The following ZHX2 variants were observed in gnomAD, a reference collection of about 807,000 sequenced individuals.
ZHX2 encodes zinc fingers and homeoboxes 2.
ZHX2 carries 6 observed loss-of-function variants against 21.9 expected under a neutral mutation model. That is an observed-to-expected ratio of 0.27 (90% CI 0.15 to 0.54). The LOEUF (loss-of-function observed/expected upper bound fraction) is 0.54, where lower values mean the gene tolerates loss of function less well. Ranked by LOEUF, ZHX2 falls within the 20% of genes least tolerant of loss-of-function variation. The pLI, the probability that ZHX2 is intolerant of heterozygous loss-of-function variation, is 0.95. For missense variants in ZHX2, 908 were observed against 1,090.7 expected (o/e 0.83, Z 2.36); for synonymous variants, 434 against 437.1 (o/e 0.99, Z 0.09).
intron 2 of ZHX2, among the ~76,000 whole-genome samples, chr8:122,944,049 C>G (rs561929449): frequency 6.6e-6 from 1 of 152,222 alleles, no homozygotes; most frequent in Non-Finnish European, 1.5e-5. Flanking sequence ...GCTGTCTGCT[C>G]TGCCTGGGAA....
At chr8:122,955,897 T>C (rs1302040489) in intron 3 of ZHX2, among the ~76,000 whole-genome samples, 1 of 145,092 alleles carries the variant, frequency 6.9e-6, no homozygotes, top group African/African-American at 2.7e-5. Flanking sequence ...CAGGCTGGAA[T>C]GCAATGGCAC....
chr8:122,962,083 T>C (rs979328790), intron 3 of ZHX2, among the ~76,000 whole-genome samples: 3 of 152,174 alleles, frequency 2.0e-5, no homozygotes, highest in Non-Finnish European at 4.4e-5. Flanking sequence ...CCAGGCCTGC[T>C]CAGGCACTGT....
intron 2 of ZHX2, among the ~76,000 whole-genome samples, chr8:122,892,724 G>T (rs535684628): frequency 6.6e-6 from 1 of 151,770 alleles, no homozygotes. Flanking sequence ...TCGCACTGTC[G>T]CCTGGGCTGG....
At chr8:122,902,227 T>C (rs1028655762) in intron 2 of ZHX2, among the ~76,000 whole-genome samples, 12 of 152,214 alleles carry the variant, frequency 7.9e-5, no homozygotes, top group Non-Finnish European at 1.3e-4. Context: ...TGCTAGGTAC[T>C]GCAGAAGCTG....
At chr8:122,804,342 CA>C (rs1335127686) in intron 1 of ZHX2, among the ~76,000 whole-genome samples, 1 of 152,206 alleles carries the variant, frequency 6.6e-6, no homozygotes, top group Non-Finnish European at 1.5e-5. Context: ...CTCCTGGCCT[CA>C]AATGATCCAC....
chr8:122,968,576 T>C (rs1813641904), intron 3 of ZHX2, among the ~76,000 whole-genome samples: 1 of 152,136 alleles, frequency 6.6e-6, no homozygotes, highest in South Asian at 2.1e-4. Flanking sequence ...CGGTGGCTCA[T>C]GCCTGTAATC....
chr8:122,794,551 G>C (rs1179667727), intron 1 of ZHX2, among the ~76,000 whole-genome samples: 2 of 152,168 alleles, frequency 1.3e-5, no homozygotes, highest in Non-Finnish European at 2.9e-5. Flanking sequence ...AGACTAGAGA[G>C]CATATCTCCA....
intron 1 of ZHX2, among the ~76,000 whole-genome samples, chr8:122,856,504 A>G (rs777015224): frequency 1.3e-5 from 2 of 152,134 alleles, no homozygotes; most frequent in Non-Finnish European, 2.9e-5. Flanking sequence ...TCTGTTTTCC[A>G]GTTCACTCAT....
At chr8:122,889,161 T>C (rs887687927) in intron 2 of ZHX2, among the ~76,000 whole-genome samples, 2 of 152,242 alleles carry the variant, frequency 1.3e-5, no homozygotes, top group Non-Finnish European at 2.9e-5. Flanking sequence ...ATATCTCAGC[T>C]ATTGTGAATA....
chr8:122,956,273 G>T (rs907596946), intron 3 of ZHX2, among the ~76,000 whole-genome samples: 9 of 152,204 alleles, frequency 5.9e-5, no homozygotes, highest in African/African-American at 2.2e-4. Context: ...CCTACTGTAT[G>T]CCTGCTGCTA....
chr8:122,914,435 A>T (rs1459905261), intron 2 of ZHX2, among the ~76,000 whole-genome samples: 4 of 152,202 alleles, frequency 2.6e-5, no homozygotes, highest in Non-Finnish European at 4.4e-5. Flanking sequence ...ACAAAGCACA[A>T]GGGCCCTTTC....
At chr8:122,921,905 T>C (rs1195427907) in intron 2 of ZHX2, among the ~76,000 whole-genome samples, 1 of 152,198 alleles carries the variant, frequency 6.6e-6, no homozygotes, top group African/African-American at 2.4e-5. Context: ...TGTCACCTAG[T>C]TGAAGCTGCT....
At chr8:122,947,943 G>A (rs1418842094) in intron 2 of ZHX2, among the ~76,000 whole-genome samples, 1 of 152,190 alleles carries the variant, frequency 6.6e-6, no homozygotes, top group Non-Finnish European at 1.5e-5. Flanking sequence ...GGCGGAGGCT[G>A]GAGGTGGCGG....
At chr8:122,902,029 AAAAG>A (rs1820242585) in intron 2 of ZHX2, among the ~76,000 whole-genome samples, 1 of 152,202 alleles carries the variant, frequency 6.6e-6, no homozygotes, top group Non-Finnish European at 1.5e-5. Flanking sequence ...GTGAAAAAAA[AAAAG>A]AATGTTTTAT....
chr8:122,880,012 G>A (rs966565474), intron 2 of ZHX2, among the ~76,000 whole-genome samples: 1 of 126,580 alleles, frequency 7.9e-6, no homozygotes. Flanking sequence ...TCGCTCTGTT[G>A]TCCAGGCTAG....
chr8:122,860,408 T>A (rs1385884716), intron 1 of ZHX2, among the ~76,000 whole-genome samples: 3 of 152,250 alleles, frequency 2.0e-5, no homozygotes, highest in Non-Finnish European at 2.9e-5. Flanking sequence ...TATGCATTTC[T>A]GTAAATCCTT....
intron 1 of ZHX2, chr8:122,815,378 C>T (rs1043197179): frequency 6.6e-6 from 1 of 152,146 alleles, no homozygotes; most frequent in Non-Finnish European, 1.5e-5. Context: ...ATAATAAATA[C>T]AGGCATACCT....
intron 3 of ZHX2, among the ~76,000 whole-genome samples, chr8:122,959,858 C>T (rs1256463196): frequency 1.3e-5 from 2 of 152,214 alleles, no homozygotes; most frequent in Non-Finnish European, 2.9e-5. Flanking sequence ...TGGAGCTTCT[C>T]ACCCTAGGAA....
intron 1 of ZHX2, among the ~76,000 whole-genome samples, chr8:122,806,290 A>T (rs927463027): frequency 6.6e-6 from 1 of 152,146 alleles, no homozygotes; most frequent in African/African-American, 2.4e-5. Context: ...GTAGAAATGG[A>T]CCCAATAAGA....
Sources: gnomAD v4.1 joint callset for allele counts (sites outside exome capture counted in the v4.1 genomes callset) on GRCh38, gnomAD v4.1.1 for gene constraint, MANE v1.5 for transcripts, NCBI Gene and HGNC (gene_info 2026-07-23, HGNC 2026-07-21) for gene names.